Variants in EPHA7 observed in about 807,000 individuals in gnomAD.
EPHA7 encodes the protein EPH receptor A7.
EPHA7 carries 25 observed loss-of-function variants against 112.6 expected under a neutral mutation model. The ratio of observed to expected loss-of-function variants is 0.22; its 90% CI spans 0.16 to 0.31. The LOEUF is 0.31. Among genes scored for constraint, EPHA7 ranks in the 10% least tolerant of loss-of-function variants. EPHA7 has a pLI of 1.00. For synonymous variants in EPHA7, 437 were observed against 406.5 expected, an observed-to-expected ratio of 1.07 and a Z score of -0.90; for missense variants, 962 against 1,212.6, an observed-to-expected ratio of 0.79 and a Z score of 3.07.
At chr6:93,388,690 C>A (rs1246766518) in intron 3 of EPHA7, among the ~76,000 whole-genome samples, 2 of 151,894 alleles carry the variant, frequency 1.3e-5, no homozygotes, top group Non-Finnish European at 2.9e-5. Context: ...CTTAGAAGAA[C>A]CTTCTGTAAA....
At chr6:93,412,316 G>C (rs1582694897) in intron 2 of EPHA7, among the ~76,000 whole-genome samples, 1 of 31,384 alleles carries the variant, frequency 3.2e-5, no homozygotes, top group Admixed American at 3.5e-4. Flanking sequence ...AAAAATCATG[G>C]GTAAATACTT....
At chr6:93,363,508 G>GA (rs1200977691) in intron 3 of EPHA7, among the ~76,000 whole-genome samples, 2 of 152,056 alleles carry the variant, frequency 1.3e-5, no homozygotes, top group Non-Finnish European at 2.9e-5. Context: ...TAGCCATTAG[G>GA]AAAATGCAGA....
intron 6 of EPHA7, among the ~76,000 whole-genome samples, chr6:93,270,004 A>G (rs1771133289): frequency 6.6e-6 from 1 of 151,762 alleles, no homozygotes; most frequent in Admixed American, 6.6e-5. Context: ...AGTTTAGTAG[A>G]GGTCATCAAA....
chr6:93,370,662 G>T (rs1776743093), intron 3 of EPHA7, among the ~76,000 whole-genome samples: 1 of 151,914 alleles, frequency 6.6e-6, no homozygotes, highest in South Asian at 2.1e-4. Flanking sequence ...ACACCCTTCT[G>T]TACATTTGGT....
In EPHA7 at chr6:93,243,357, A is replaced by G. The variant is rs1489456524; in HGVS notation, c.*69T>C. Reference sequence around the variant, plus strand: ...ATCACTTGTCTTCTAGCAGCATTCTATGCATATACTGAAGGCCAGTACTGT... The same window carrying G: ...ATCACTTGTCTTCTAGCAGCATTCTGTGCATATACTGAAGGCCAGTACTGT... On this transcript the variant is annotated 3_prime_UTR_variant, in exon 17 of 17. Transcript: ENST00000369303. 23 of 1,159,398 alleles carry G rather than the reference A, an allele frequency of 2.0e-5. No homozygotes were observed. In the Admixed American group the frequency reaches 3.8e-4, roughly 19 times the overall value. 71.8% of individuals were successfully genotyped at this position (1,159,398 alleles called of 1,614,324 possible). A position where few individuals can be genotyped will look rare whatever the true frequency, so the allele number is the denominator to read the frequency against.
At chr6:93,408,135 C>G (rs1470605407) in intron 3 of EPHA7, among the ~76,000 whole-genome samples, 1 of 151,970 alleles carries the variant, frequency 6.6e-6, no homozygotes, top group Admixed American at 6.6e-5. Flanking sequence ...TATCTTTTCT[C>G]AGATAAATTT....
intron 5 of EPHA7, among the ~76,000 whole-genome samples, chr6:93,303,359 T>A (rs1773089776): frequency 6.6e-6 from 1 of 152,126 alleles, no homozygotes; most frequent in Admixed American, 6.6e-5. Flanking sequence ...GTTTGCCTGT[T>A]TCAGTCTCGT....
chr6:93,245,540 G>T (rs1769907762), intron 15 of EPHA7, 87 bp from the exon 16 acceptor site: 1 of 1,361,014 alleles, frequency 7.3e-7, no homozygotes, highest in Non-Finnish European at 1.0e-6. Flanking sequence ...AAGGTATAAA[G>T]AACAAAATTA....
intron 3 of EPHA7, among the ~76,000 whole-genome samples, chr6:93,394,276 C>T (rs114193439): frequency 4.6e-5 from 7 of 151,632 alleles, no homozygotes; most frequent in African/African-American, 1.7e-4. Context: ...AACAAAGCTA[C>T]AACTCAAATA....
At chr6:93,329,495 CT>C (rs1234051585) in intron 5 of EPHA7, among the ~76,000 whole-genome samples, 1 of 151,362 alleles carries the variant, frequency 6.6e-6, no homozygotes, top group East Asian at 1.9e-4. Flanking sequence ...TACTTCACAC[CT>C]AATAAAGAAC....
At chr6:93,323,945 T>C (rs1774193190) in intron 5 of EPHA7, among the ~76,000 whole-genome samples, 1 of 151,474 alleles carries the variant, frequency 6.6e-6, no homozygotes, top group African/African-American at 2.4e-5. Context: ...ATTACATATT[T>C]CACATGTATT....
Position 93,255,851 on chromosome 6 carries a change from G to A in EPHA7, c.2359C>T (p.Pro787Ser), listed in dbSNP as rs1770418490. The change falls in exon 13 of 17, where the codon CCA becomes TCA. Residue 787 changes from proline to serine, a missense_variant. By Grantham distance (74) the Pro-to-Ser change is moderately conservative. This residue lies in a region of EPHA7 where 746 missense variants were observed against 889.2 expected (regional missense o/e 0.84). Coordinates refer to ENST00000369303, the MANE Select transcript of EPHA7 (RefSeq NM_004440.4). ...FGLSRVIEDD[P>S]EAVYTTTGGK... ...ACAGTAGTTGTATAGACAGCTTCTG[G>A]ATCATCCTCTATAACTCGGGACAGG... The A allele has an allele frequency of 6.2e-7, 1 of 1,613,820 alleles. No individual in the cohort carries two copies. The highest frequency in any genetic ancestry group is 8.5e-7 in the Non-Finnish European group (1 of 1,179,944).
intron 5 of EPHA7, among the ~76,000 whole-genome samples, chr6:93,352,916 C>A (rs1415886089): frequency 6.6e-6 from 1 of 152,038 alleles, no homozygotes; most frequent in Non-Finnish European, 1.5e-5. Flanking sequence ...AAGGGAACAA[C>A]ACACACTGGG....
At chr6:93,321,530 CAATT>C (rs2127884770) in intron 5 of EPHA7, among the ~76,000 whole-genome samples, 1 of 151,892 alleles carries the variant, frequency 6.6e-6, no homozygotes, top group Admixed American at 6.6e-5. Context: ...TTGTTAGACA[CAATT>C]AAGGTGGTGT....
chr6:93,396,665 CTA>C (rs1778188913), intron 3 of EPHA7, among the ~76,000 whole-genome samples: 1 of 151,742 alleles, frequency 6.6e-6, no homozygotes, highest in African/African-American at 2.4e-5. Flanking sequence ...GGAAAAATGA[CTA>C]TTATGAAACA....
In EPHA7 at chr6:93,254,709, T is replaced by C. The variant is rs200484495; in HGVS notation, c.2470A>G (p.Ile824Val). 8 of 1,613,778 alleles carry C rather than the reference T, an allele frequency of 5.0e-6. No homozygotes were observed. The highest frequency in any genetic ancestry group is 5.9e-6 in the Non-Finnish European group (7 of 1,179,740). Residue 824 changes from isoleucine to valine, a missense_variant, in exon 14 of 17, where the codon ATA becomes GTA. By Grantham distance (29) the Ile-to-Val change is conservative. This residue lies in a region of EPHA7 where 746 missense variants were observed against 889.2 expected (regional missense o/e 0.84). Transcript: ENST00000369303. ...TSASDVWSYG[I>V]VMWEVMSYGE... ...TAAGACATAACTTCCCACATGACTA[T>C]TCCATAGCTCCATACATCACTGGCT...
chr6:93,255,904 T>C lies in EPHA7; in HGVS notation c.2306A>G (p.Asn769Ser), dbSNP rs1440140016. The change falls in exon 13 of 17, where the codon AAT becomes AGT. Residue 769 changes from asparagine to serine, a missense_variant. Transcript: ENST00000369303. ...AAAATCTGACACTTTACAAACGAGA[T>C]TGCTGTTGACAAGAATATTGCGAGC... ...LAARNILVNS[N>S]LVCKVSDFGL... 6 of 1,613,976 alleles carry C rather than the reference T, an allele frequency of 3.7e-6. No homozygotes were observed. The highest frequency in any genetic ancestry group is 1.1e-5 in the South Asian group (1 of 91,090).
intron 5 of EPHA7, among the ~76,000 whole-genome samples, chr6:93,322,611 G>T (rs2127886806): frequency 6.6e-6 from 1 of 151,702 alleles, no homozygotes; most frequent in African/African-American, 2.4e-5. Context: ...ATATTTTAAA[G>T]CAGTGCACGT....
chr6:93,308,988 G>A (rs929390625), intron 5 of EPHA7, among the ~76,000 whole-genome samples: 2 of 149,826 alleles, frequency 1.3e-5, no homozygotes, highest in South Asian at 2.1e-4. Context: ...TTGCTCTGTC[G>A]CCCAGGCTGG....
Sources: allele counts gnomAD v4.1 joint callset (sites outside exome capture counted in the v4.1 genomes callset), GRCh38; gene constraint gnomAD v4.1.1; regional missense constraint gnomAD v4.1.1; transcripts MANE v1.5; gene names NCBI Gene and HGNC (gene_info 2026-07-23, HGNC 2026-07-21).